PAGE2B: variants seen among roughly 807,000 people sequenced by gnomAD.
The protein encoded by PAGE2B is putative G antigen family E member 3.
A neutral mutation model predicts 7.6 loss-of-function variants in PAGE2B; 5 were observed. That is an observed-to-expected ratio of 0.66 (90% CI 0.34 to 1.38). The LOEUF (loss-of-function observed/expected upper bound fraction) is 1.38, where lower values mean the gene tolerates loss of function less well. PAGE2B is among the 40% of genes most tolerant of loss of function. The pLI, the probability that PAGE2B is intolerant of heterozygous loss-of-function variation, is 0.04. For missense variants in PAGE2B, 70 were observed against 78.4 expected (o/e 0.89, Z 0.41); for synonymous variants, 29 against 26.7 (o/e 1.09, Z -0.27).
At chrX:55,049,701 T>C in the PAGE2B span, among the ~76,000 whole-genome samples, 1 of 111,779 alleles carries the variant, frequency 8.9e-6, no homozygotes, top group Admixed American at 9.6e-5. Context: ...CTCCCTTTTC[T>C]TCTTTATTAG....
At chrX:55,042,035 G>GTACTGGAA in the PAGE2B span, among the ~76,000 whole-genome samples, 1 of 111,436 alleles carries the variant, frequency 9.0e-6, no homozygotes, top group Non-Finnish European at 1.9e-5. Flanking sequence ...ATTCAACATA[G>GTACTGGAA]TACTGGAAGT....
the PAGE2B span, among the ~76,000 whole-genome samples, chrX:55,054,322 T>C: frequency 2.7e-5 from 3 of 112,656 alleles, no homozygotes; most frequent in Non-Finnish European, 5.6e-5. Context: ...TGTTAACTAT[T>C]CTAATTCTAC....
chrX:55,050,740 G>A, the PAGE2B span, among the ~76,000 whole-genome samples: 1 of 111,578 alleles, frequency 9.0e-6, no homozygotes, highest in East Asian at 2.8e-4. Flanking sequence ...ATAGCACACT[G>A]ACAGGTCTTG....
chrX:55,034,215 A>G, the PAGE2B span, among the ~76,000 whole-genome samples: 1 of 111,746 alleles, frequency 8.9e-6, no homozygotes, highest in Non-Finnish European at 1.9e-5. Flanking sequence ...CATGATAGCT[A>G]TGTCCCAGAC....
Position 55,076,502 on chromosome X carries a change from G to A in PAGE2B, c.85-67G>A, listed in dbSNP as rs748311821. 1.0e-4 allele frequency: 97 copies of A among 973,193 alleles called. No individual in the cohort carries two copies. In the South Asian group the frequency reaches 2.0e-3, roughly 20 times the overall value. 80.2% of individuals were successfully genotyped at this position (973,193 alleles called of 1,213,427 possible). A position where few individuals can be genotyped will look rare whatever the true frequency, so the allele number is the denominator to read the frequency against. On this transcript the variant is annotated intron_variant, in intron 2 of 4. Transcript: ENST00000374971. Reference sequence around the variant, plus strand: ...AAAAATGTCTTTAGATGTGTGATTCGATGCACATATGCATTTGTGTATTTA... The same window carrying A: ...AAAAATGTCTTTAGATGTGTGATTCAATGCACATATGCATTTGTGTATTTA...
the PAGE2B span, among the ~76,000 whole-genome samples, chrX:55,061,555 TATCCATCACTTCAA>T: frequency 9.0e-6 from 1 of 111,131 alleles, no homozygotes; most frequent in Non-Finnish European, 1.9e-5. Context: ...GTAAATGGGG[TATCCATCACTTCAA>T]GCATTTATCC....
At chrX:55,052,909 A>C in the PAGE2B span, among the ~76,000 whole-genome samples, 1 of 112,633 alleles carries the variant, frequency 8.9e-6, no homozygotes, top group Non-Finnish European at 1.9e-5. Context: ...TGTAGACTGG[A>C]GCTGTTCCTA....
At chrX:55,056,571 G>A in the PAGE2B span, among the ~76,000 whole-genome samples, 2 of 110,608 alleles carry the variant, frequency 1.8e-5, no homozygotes, top group African/African-American at 6.6e-5. Flanking sequence ...AGGGTTCCTG[G>A]TGGAGGTTGG....
chrX:55,048,921 A>T, the PAGE2B span, among the ~76,000 whole-genome samples: 8 of 112,047 alleles, frequency 7.1e-5, no homozygotes, highest in African/African-American at 2.6e-4. Context: ...TTGTCCATTC[A>T]GTATGATACT....
At chrX:55,071,852 A>G (rs1029008938), upstream of PAGE2B, among the ~76,000 whole-genome samples, 1 of 111,806 alleles carries the variant, frequency 8.9e-6, no homozygotes, top group Non-Finnish European at 1.9e-5. Context: ...TTCAGGTATT[A>G]ATTCTTATGT....
chrX:55,060,808 A>T, the PAGE2B span, among the ~76,000 whole-genome samples: 101 of 109,018 alleles, frequency 9.3e-4, no homozygotes, highest in East Asian at 0.023. Context: ...TTTTGTGTGT[A>T]TTTTTTTTGT....
At chrX:55,059,347 A>G in the PAGE2B span, among the ~76,000 whole-genome samples, 9 of 111,613 alleles carry the variant, frequency 8.1e-5, no homozygotes, top group Non-Finnish European at 1.5e-4. Context: ...AGCATCAGTT[A>G]GATTGGATTA....
chrX:55,037,783 T>C, the PAGE2B span, among the ~76,000 whole-genome samples: 1 of 107,557 alleles, frequency 9.3e-6, no homozygotes, highest in East Asian at 3.0e-4. Context: ...CCATCATTCT[T>C]AGCAAACTAT....
the PAGE2B span, among the ~76,000 whole-genome samples, chrX:55,048,112 G>T: frequency 8.9e-6 from 1 of 112,018 alleles, no homozygotes; most frequent in Non-Finnish European, 1.9e-5. Context: ...GTTTGTCAAA[G>T]ATCAGATAGC....
At chrX:55,042,957 C>T in the PAGE2B span, among the ~76,000 whole-genome samples, 1 of 110,931 alleles carries the variant, frequency 9.0e-6, no homozygotes, top group Non-Finnish European at 1.9e-5. Flanking sequence ...TCCTATAAGG[C>T]CATGGTCATC....
chrX:55,050,623 A>T, the PAGE2B span, among the ~76,000 whole-genome samples: 55 of 110,743 alleles, frequency 5.0e-4, no homozygotes, highest in South Asian at 3.1e-3. Context: ...AGAGACTAGG[A>T]TTGCAACCCC....
the PAGE2B span, among the ~76,000 whole-genome samples, chrX:55,056,277 G>C: frequency 9.0e-6 from 1 of 110,893 alleles, no homozygotes; most frequent in Non-Finnish European, 1.9e-5. Flanking sequence ...TTGGGAGAGT[G>C]GTGGGAGAGA....
chrX:55,045,377 C>G, the PAGE2B span, among the ~76,000 whole-genome samples: 106 of 111,682 alleles, frequency 9.5e-4, no homozygotes, highest in Admixed American at 7.0e-3. Flanking sequence ...TATGTTCAAC[C>G]TAGCACTCTG....
At chrX:55,036,714 T>C in the PAGE2B span, among the ~76,000 whole-genome samples, 1 of 109,315 alleles carries the variant, frequency 9.1e-6, no homozygotes, top group Non-Finnish European at 1.9e-5. Flanking sequence ...TATAGATCAA[T>C]GGAACAGAAC....
Sources: allele counts gnomAD v4.1 joint callset (sites outside exome capture counted in the v4.1 genomes callset), GRCh38; gene constraint gnomAD v4.1.1; transcripts MANE v1.5; gene names NCBI Gene and HGNC (gene_info 2026-07-23, HGNC 2026-07-21).